Variants in FAAH2 observed in about 807,000 individuals in gnomAD.
The protein encoded by FAAH2 is fatty-acid amide hydrolase 2.
A neutral mutation model predicts 36.9 loss-of-function variants in FAAH2; 60 were observed. The observed-to-expected ratio is 1.63, with a 90% CI of 1.32 to 2.02. FAAH2 has a LOEUF of 2.02. Among genes scored for constraint, FAAH2 ranks in the 30% most tolerant of loss-of-function variants. The pLI, the probability that FAAH2 is intolerant of heterozygous loss-of-function variation, is 0.00. For missense variants in FAAH2, 689 were observed against 397.5 expected, an observed-to-expected ratio of 1.73 and a Z score of -6.23; for synonymous variants, 214 against 143.8, an observed-to-expected ratio of 1.49 and a Z score of -3.49.
chrX:57,181,097 C>G, the FAAH2 span, among the ~76,000 whole-genome samples: 1 of 111,318 alleles, frequency 9.0e-6, no homozygotes, highest in African/African-American at 3.3e-5. Flanking sequence ...GTTAAAAGCT[C>G]TCAACAAACT....
the FAAH2 span, among the ~76,000 whole-genome samples, chrX:57,158,359 T>C: frequency 8.9e-6 from 1 of 112,394 alleles, no homozygotes; most frequent in African/African-American, 3.2e-5. Context: ...TTTGGGTATA[T>C]ACCCAGTAAT....
At chrX:57,262,037 G>A in the FAAH2 span, among the ~76,000 whole-genome samples, 1 of 105,082 alleles carries the variant, frequency 9.5e-6, no homozygotes, top group African/African-American at 3.7e-5. Context: ...AATAATATAG[G>A]ATATGACATT....
At chrX:57,282,179 G>A (rs868330512), upstream of FAAH2, among the ~76,000 whole-genome samples, 10 of 111,605 alleles carry the variant, frequency 9.0e-5, no homozygotes, top group Admixed American at 2.9e-4. Flanking sequence ...AACTTATATC[G>A]CCTATAGCAG....
chrX:57,338,296 G>A (rs951563687), intron 4 of FAAH2, among the ~76,000 whole-genome samples: 12 of 111,404 alleles, frequency 1.1e-4, no homozygotes, highest in Non-Finnish European at 1.9e-4. Flanking sequence ...AGATTTTTGT[G>A]CCAGGATGAA....
chrX:57,383,836 A>T (rs962289930), intron 7 of FAAH2, among the ~76,000 whole-genome samples: 1 of 111,903 alleles, frequency 8.9e-6, no homozygotes, highest in Non-Finnish European at 1.9e-5. Context: ...TGAAGTTCAT[A>T]TGGAACCAAA....
the FAAH2 span, among the ~76,000 whole-genome samples, chrX:57,158,844 T>C: frequency 8.9e-6 from 1 of 112,019 alleles, no homozygotes; most frequent in African/African-American, 3.2e-5. Flanking sequence ...AGCTCTTTAG[T>C]TTAATTAGAT....
chrX:57,478,393 T>G (rs1226685106), intron 10 of FAAH2, among the ~76,000 whole-genome samples: 1 of 111,598 alleles, frequency 9.0e-6, no homozygotes, highest in Non-Finnish European at 1.9e-5. Flanking sequence ...ATATTAGCCC[T>G]TTGTCAGATG....
chrX:57,406,661 T>A (rs187536563), intron 7 of FAAH2, among the ~76,000 whole-genome samples: 1 of 112,805 alleles, frequency 8.9e-6, no homozygotes, highest in East Asian at 2.8e-4. Context: ...TTGCAGGAAA[T>A]GCCCATCTGC....
At chrX:57,170,061 C>T in the FAAH2 span, among the ~76,000 whole-genome samples, 1 of 111,745 alleles carries the variant, frequency 8.9e-6, no homozygotes, top group Non-Finnish European at 1.9e-5. Flanking sequence ...GCCTCAAACT[C>T]CTGGGCTCAC....
At chrX:57,445,212 T>C (rs982923698) in intron 8 of FAAH2, among the ~76,000 whole-genome samples, 5 of 111,590 alleles carry the variant, frequency 4.5e-5, no homozygotes, top group African/African-American at 1.6e-4. Context: ...GTAGGTGGCG[T>C]CTTAAGCTGA....
At chrX:57,190,978 A>G in the FAAH2 span, among the ~76,000 whole-genome samples, 1 of 111,335 alleles carries the variant, frequency 9.0e-6, no homozygotes, top group Non-Finnish European at 1.9e-5. Context: ...TAGTATACTG[A>G]TGTCCTTTCT....
chrX:57,382,976 C>G (rs2054897904), intron 7 of FAAH2, among the ~76,000 whole-genome samples: 1 of 111,225 alleles, frequency 9.0e-6, no homozygotes, highest in South Asian at 3.8e-4. Flanking sequence ...AGCTTATCCA[C>G]CATGATCAAG....
At chrX:57,433,825 T>A (rs1365995078) in intron 8 of FAAH2, among the ~76,000 whole-genome samples, 1 of 112,176 alleles carries the variant, frequency 8.9e-6, no homozygotes, top group Non-Finnish European at 1.9e-5. Flanking sequence ...GTTGTAGTTA[T>A]TATCATAGTC....
the FAAH2 span, among the ~76,000 whole-genome samples, chrX:57,257,515 G>A: frequency 9.1e-6 from 1 of 109,775 alleles, no homozygotes; most frequent in Non-Finnish European, 1.9e-5. Flanking sequence ...GACACAGGGA[G>A]AGGAATATCA....
the FAAH2 span, among the ~76,000 whole-genome samples, chrX:57,273,844 A>G: frequency 8.9e-6 from 1 of 111,873 alleles, no homozygotes; most frequent in East Asian, 2.8e-4. Context: ...CATCAAAATT[A>G]AAAGAACTAG....
chrX:57,233,882 G>C, the FAAH2 span, among the ~76,000 whole-genome samples: 1 of 112,647 alleles, frequency 8.9e-6, no homozygotes, highest in Non-Finnish European at 1.9e-5. Flanking sequence ...CTGGCCTTAA[G>C]TGATCCGCCC....
At chrX:57,447,944 GT>G (rs1488525127) in intron 9 of FAAH2, among the ~76,000 whole-genome samples, 2 of 112,008 alleles carry the variant, frequency 1.8e-5, no homozygotes, top group Non-Finnish European at 3.8e-5. Flanking sequence ...TAGAAAATGG[GT>G]TTTTCTTTTC....
the FAAH2 span, among the ~76,000 whole-genome samples, chrX:57,237,710 C>A: frequency 3.6e-5 from 4 of 110,903 alleles, no homozygotes; most frequent in South Asian, 1.5e-3. Flanking sequence ...AGTAAACAGA[C>A]AACCTAAAGA....
intron 10 of FAAH2, among the ~76,000 whole-genome samples, chrX:57,469,634 C>A (rs2057120547): frequency 9.0e-6 from 1 of 111,492 alleles, no homozygotes; most frequent in South Asian, 3.8e-4. Context: ...AATTACACTC[C>A]AACACAATAA....
Sources: gnomAD v4.1 joint callset for allele counts (sites outside exome capture counted in the v4.1 genomes callset) on GRCh38, gnomAD v4.1.1 for gene constraint, MANE v1.5 for transcripts, NCBI Gene and HGNC (gene_info 2026-07-23, HGNC 2026-07-21) for gene names.